Variants in ERC2 observed in about 807,000 individuals in gnomAD.
ERC2 encodes the protein ELKS/RAB6-interacting/CAST family member 2, also known as ERC protein 2.
A neutral mutation model predicts 114.8 loss-of-function variants in ERC2; 42 were observed. That is an observed-to-expected ratio of 0.37 (90% confidence interval 0.29 to 0.47). ERC2 has a LOEUF of 0.47. Among genes scored for constraint, ERC2 ranks in the 20% least tolerant of loss-of-function variants. The pLI is 0.99. For synonymous variants in ERC2, 454 were observed against 425.5 expected (o/e 1.07, Z -0.82); for missense variants, 939 against 1,150.7 (o/e 0.82, Z 2.66).
chr3:55,511,612 C>G (rs983256105), intron 17 of ERC2, among the ~76,000 whole-genome samples: 1 of 152,160 alleles, frequency 6.6e-6, no homozygotes, highest in African/African-American at 2.4e-5. Context: ...CATAATCGGA[C>G]TATATGTCAA....
chr3:56,319,963 C>G (rs946106697), intron 2 of ERC2, among the ~76,000 whole-genome samples: 1 of 152,070 alleles, frequency 6.6e-6, no homozygotes, highest in East Asian at 1.9e-4. Flanking sequence ...TGTGTTACAG[C>G]AGGGTAAGCA....
intron 10 of ERC2, among the ~76,000 whole-genome samples, chr3:56,003,517 G>A (rs549072969): frequency 2.6e-4 from 40 of 152,204 alleles, no homozygotes; most frequent in African/African-American, 9.1e-4. Context: ...TTCAAAGATG[G>A]TAATAATAAA....
intron 2 of ERC2, among the ~76,000 whole-genome samples, chr3:56,386,367 T>C (rs2059934408): frequency 6.6e-6 from 1 of 152,206 alleles, no homozygotes; most frequent in East Asian, 1.9e-4. Flanking sequence ...ATGATGGTTA[T>C]GGAGATCAGT....
chr3:56,217,478 A>G lies in ERC2; in HGVS notation c.1075-43958T>C, dbSNP rs563799384. 3.6e-3 allele frequency among the ~76,000 whole-genome samples: 542 copies of G among 152,102 alleles called. 1 individual carries two copies. Among genetic ancestry groups the G allele is most frequent in the African/African-American group, 0.012 (480 of 41,408 alleles). Reference sequence around the variant, plus strand: ...GGAGAACTACAAACCACTGCTCGACAAAATAAAAGAGGATACAAACAAATG... The same window carrying G: ...GGAGAACTACAAACCACTGCTCGACGAAATAAAAGAGGATACAAACAAATG... On this transcript the variant is annotated intron_variant, in intron 3 of 17. Transcript: ENST00000288221.
At chr3:56,183,726 T>A (rs77155687) in intron 3 of ERC2, among the ~76,000 whole-genome samples, 6,397 of 152,196 alleles carry the variant, frequency 0.042, 445 homozygotes, top group African/African-American at 0.15. Flanking sequence ...GTGCATGCAT[T>A]CTCAATGAGG....
intron 13 of ERC2, among the ~76,000 whole-genome samples, chr3:55,916,856 G>C (rs1015442150): frequency 4.6e-5 from 7 of 152,134 alleles, no homozygotes; most frequent in African/African-American, 1.7e-4. Flanking sequence ...TTGCCCTTCT[G>C]TTCCTAGTAC....
At chr3:55,952,179 A>C (rs9815070) in intron 12 of ERC2, among the ~76,000 whole-genome samples, 1 of 62,110 alleles carries the variant, frequency 1.6e-5, no homozygotes, top group East Asian at 4.2e-4. Flanking sequence ...ACACACACAC[A>C]CTCTCTCTCT....
At chr3:55,722,179 T>G (rs2064604506) in intron 15 of ERC2, among the ~76,000 whole-genome samples, 1 of 152,150 alleles carries the variant, frequency 6.6e-6, no homozygotes, top group Non-Finnish European at 1.5e-5. Context: ...GGGTCATGTC[T>G]CAGTGGCTAT....
intron 14 of ERC2, among the ~76,000 whole-genome samples, chr3:55,870,248 G>T (rs1406391285): frequency 6.6e-6 from 1 of 151,948 alleles, no homozygotes; most frequent in Non-Finnish European, 1.5e-5. Context: ...CTAATTTTTA[G>T]ATTTTTAGTA....
chr3:55,558,365 A>G (rs899239421), intron 17 of ERC2, among the ~76,000 whole-genome samples: 1 of 152,220 alleles, frequency 6.6e-6, no homozygotes, highest in African/African-American at 2.4e-5. Flanking sequence ...GGTCCCAAAT[A>G]TTCTTATATT....
intron 14 of ERC2, among the ~76,000 whole-genome samples, chr3:55,841,944 A>C (rs942952919): frequency 3.9e-5 from 6 of 152,174 alleles, no homozygotes; most frequent in Admixed American, 2.6e-4. Flanking sequence ...GCCTAGCCTG[A>C]ACACACCTGT....
chr3:55,716,551 G>T (rs1405050147), intron 15 of ERC2, among the ~76,000 whole-genome samples: 1 of 152,134 alleles, frequency 6.6e-6, no homozygotes, highest in African/African-American at 2.4e-5. Context: ...TGTGCAAAAG[G>T]CATCAGCAAG....
chr3:55,725,212 C>A (rs1454386472), intron 15 of ERC2, among the ~76,000 whole-genome samples: 1 of 152,110 alleles, frequency 6.6e-6, no homozygotes, highest in East Asian at 1.9e-4. Flanking sequence ...GCCACCTCCC[C>A]CTTTATGCAT....
intron 2 of ERC2, among the ~76,000 whole-genome samples, chr3:56,375,673 G>T (rs2059512792): frequency 1.3e-5 from 2 of 152,156 alleles, no homozygotes; most frequent in Non-Finnish European, 2.9e-5. Context: ...ATCATTAAGG[G>T]TGCTGTGTTA....
chr3:56,389,816 A>G (rs2060063290), intron 2 of ERC2, among the ~76,000 whole-genome samples: 1 of 152,180 alleles, frequency 6.6e-6, no homozygotes, highest in African/African-American at 2.4e-5. Context: ...CAGATGTTCA[A>G]ACCTTGAAGA....
chr3:56,034,377 CAAT>C (rs1403108446), intron 7 of ERC2, among the ~76,000 whole-genome samples: 17 of 152,018 alleles, frequency 1.1e-4, no homozygotes, highest in African/African-American at 3.9e-4. Context: ...GACAGCAATA[CAAT>C]AATAGTAGGG....
At chr3:55,590,702 T>G (rs1014951614) in intron 17 of ERC2, among the ~76,000 whole-genome samples, 4 of 152,228 alleles carry the variant, frequency 2.6e-5, no homozygotes, top group African/African-American at 9.6e-5. Context: ...TGTGGATGTG[T>G]GTTTTAAACT....
chr3:55,522,287 G>A (rs1038325911), intron 17 of ERC2, among the ~76,000 whole-genome samples: 1 of 152,102 alleles, frequency 6.6e-6, no homozygotes, highest in Non-Finnish European at 1.5e-5. Context: ...GCCTTTTAAC[G>A]ATATGCTGCC....
At chr3:55,872,832 G>A (rs1324275622) in intron 14 of ERC2, among the ~76,000 whole-genome samples, 1 of 152,158 alleles carries the variant, frequency 6.6e-6, no homozygotes, top group African/African-American at 2.4e-5. Context: ...ACCGGCTCAA[G>A]GTCCATATTT....
Sources: allele counts gnomAD v4.1 joint callset (sites outside exome capture counted in the v4.1 genomes callset), GRCh38; gene constraint gnomAD v4.1.1; transcripts MANE v1.5; gene names NCBI Gene and HGNC (gene_info 2026-07-23, HGNC 2026-07-21).